Variants in SFR1 observed in about 807,000 individuals in gnomAD.
SFR1 encodes SWI5 dependent homologous recombination repair protein 1.
Under a neutral mutation model 26.2 loss-of-function variants are expected in SFR1, and 24 were observed. The ratio of observed to expected loss-of-function variants is 0.92; its 90% confidence interval spans 0.66 to 1.29. SFR1 has a LOEUF of 1.29. Ranked by LOEUF, SFR1 falls within the 50% of genes most tolerant of loss-of-function variation. The probability of loss-of-function intolerance (pLI) is 0.00; values close to 1 mark genes in which losing one functional copy is unlikely to be tolerated. For synonymous variants in SFR1, 77 were observed against 96.6 expected (o/e 0.80, Z 1.19); for missense variants, 276 against 270.2 (o/e 1.02, Z -0.15).
chr10:104,122,000 C>T (rs2134698752), upstream of SFR1: 2 of 633,540 alleles, frequency 3.2e-6, no homozygotes, highest in East Asian at 6.4e-5. Flanking sequence ...AAGCCCCGCC[C>T]CAACCACCCG....
At chr10:104,124,221 G>T in intron 3 of SFR1, 97 bp downstream of exon 3, 1 of 1,113,326 alleles carries the variant, frequency 9.0e-7, no homozygotes. Context: ...ACCATAATAA[G>T]CAATAAGCCA....
Position 104,125,497 on chromosome 10 carries a change from T to C in SFR1, c.547-16T>C. The C allele has an allele frequency of 6.3e-7, 1 of 1,592,206 alleles. No homozygotes were observed. Among genetic ancestry groups the C allele is most frequent in the East Asian group, 2.2e-5 (1 of 44,800 alleles). ...ATGACTAGTTATTGACATACATGTT[T>C]TTTTTTCTGTTTCAGAATGATCTGT... is the stretch of plus-strand genomic sequence containing the variant. On this transcript the variant is annotated splice_polypyrimidine_tract_variant and intron_variant, in intron 3 of 3. Transcript: ENST00000369727.
upstream of SFR1, among the ~76,000 whole-genome samples, chr10:104,121,473 G>T (rs2086960123): frequency 6.6e-6 from 1 of 152,190 alleles, no homozygotes; most frequent in South Asian, 2.1e-4. Context: ...CCCAACGCTG[G>T]AACCCAACGC....
chr10:104,120,854 G>A (rs1197124836), upstream of SFR1, among the ~76,000 whole-genome samples: 2 of 152,122 alleles, frequency 1.3e-5, no homozygotes, highest in Non-Finnish European at 2.9e-5. Flanking sequence ...ATACCTGACT[G>A]CTTAAGACTC....
upstream of SFR1, chr10:104,122,100 T>C: frequency 6.7e-7 from 1 of 1,501,098 alleles, no homozygotes; most frequent in Non-Finnish European, 9.0e-7. Context: ...ATTGCGCATC[T>C]TTTCCGCCTA....
intron 1 of SFR1, 182 bp from the exon 2 acceptor site, chr10:104,122,783 C>A: frequency 6.6e-7 from 1 of 1,511,200 alleles, no homozygotes; most frequent in Non-Finnish European, 8.8e-7. Context: ...ACTTAGTGGT[C>A]CCTATGTGGG....
At position 104,124,082 on chromosome 10, in the gene SFR1, CCTT is replaced by C. The variant is rs1564697205; in HGVS notation, c.509_511del (p.Leu170del). The C allele has an allele frequency of 5.0e-6, 8 of 1,613,126 alleles. No individual in the cohort carries two copies. The highest frequency in any genetic ancestry group is 1.7e-5 in the Admixed American group (1 of 59,806). ...TGAAGCAGGTTCAGGAGAAAGAAGA[CCTT>C]CTTCGGAGGCTAAAACTAGTCAAAA... On this transcript the variant is annotated inframe_deletion, in exon 3 of 4. Coordinates refer to ENST00000369727, the MANE Select transcript of SFR1 (RefSeq NM_001002759.2).
chr10:104,123,066 A>G lies in SFR1; in HGVS notation c.115A>G (p.Thr39Ala), dbSNP rs370241093. ...QASANPSSPY[T>A]NSSRKQPMSA... is the part of the protein sequence containing the mutation. ...CTCTGCGAATCCATCATCTCCCTAT[A>G]CAAATAGTTCCCGAAAACAAGTATG... The change falls in exon 2 of 4, where the codon ACA becomes GCA. Residue 39 changes from threonine (T) to alanine (A), a missense_variant. Physicochemically the swap from Thr to Ala is moderately conservative, Grantham distance 58. Transcript: ENST00000369727. The G allele has an allele frequency of 3.8e-6, 6 of 1,575,080 alleles. No homozygotes were observed. The African/African-American group carries it at 6.9e-5, about 18-fold the overall frequency.
upstream of SFR1, among the ~76,000 whole-genome samples, chr10:104,120,660 T>C (rs1008149110): frequency 7.2e-5 from 11 of 152,214 alleles, no homozygotes; most frequent in African/African-American, 2.7e-4. Context: ...CTGTTCCAGC[T>C]GCCTCTCACC....
Position 104,123,735 on chromosome 10 carries a change from G to A in SFR1, c.157G>A (p.Glu53Lys). 6.3e-7 allele frequency: 1 copy of A among 1,599,478 alleles called. No homozygotes were observed. The highest frequency in any genetic ancestry group is 8.5e-7 in the Non-Finnish European group (1 of 1,174,988). ...ATAGCCTATGAGTGCAACACTTAGA[G>A]AAAGATTAAGGAAAACAAGATTTTC... is the stretch of plus-strand genomic sequence containing the variant. Reference protein sequence around the residue: ...RKQPMSATLRERLRKTRFSFN... With the variant: ...RKQPMSATLRKRLRKTRFSFN... Residue 53 changes from glutamate (E) to lysine (K), a missense_variant, in exon 3 of 4, where the codon GAA becomes AAA. Coordinates refer to ENST00000369727, the MANE Select transcript of SFR1 (RefSeq NM_001002759.2).
At position 104,124,067 on chromosome 10, in the gene SFR1, T is replaced by C; in HGVS notation, c.489T>C (p.Val163=). The C allele has an allele frequency of 6.2e-7, 1 of 1,613,830 alleles. No homozygotes were observed. The highest frequency in any genetic ancestry group is 8.5e-7 in the Non-Finnish European group (1 of 1,179,920). The change falls in exon 3 of 4, where the codon GTT becomes GTC. Residue 163 remains valine, a synonymous_variant. Transcript: ENST00000369727. The part of the protein sequence containing the change: ...NAEKAKLVKQ[V]QEKEDLLRRL... ...AAAAAGCCAAATTGGTGAAGCAGGTTCAGGAGAAAGAAGACCTTCTTCGGA... is the reference window on the plus strand; with the variant it reads ...AAAAAGCCAAATTGGTGAAGCAGGTCCAGGAGAAAGAAGACCTTCTTCGGA...
upstream of SFR1, among the ~76,000 whole-genome samples, chr10:104,120,212 T>C (rs1457848937): frequency 6.6e-6 from 1 of 152,234 alleles, no homozygotes; most frequent in African/African-American, 2.4e-5. Context: ...TGCACTGTGC[T>C]TCTAGTGTCA....
chr10:104,120,405 T>C (rs1228359353), upstream of SFR1, among the ~76,000 whole-genome samples: 2 of 152,194 alleles, frequency 1.3e-5, no homozygotes, highest in Non-Finnish European at 2.9e-5. Context: ...TTTTAAAAAA[T>C]TTTAGGAGTG....
At chr10:104,122,722 A>T in intron 1 of SFR1, 1 of 1,405,574 alleles carries the variant, frequency 7.1e-7, no homozygotes, top group Non-Finnish European at 9.2e-7. Context: ...AAACGAAAAC[A>T]AGGAGAGTCT....
chr10:104,125,103 TAAA>T (rs902950234), intron 3 of SFR1, among the ~76,000 whole-genome samples: 2 of 152,174 alleles, frequency 1.3e-5, no homozygotes, highest in African/African-American at 4.8e-5. Flanking sequence ...ATCCCCAGCC[TAAA>T]AAAATATTTT....
rs1357898727 is a variant in SFR1, at chr10:104,125,891, G to A, written c.*187G>A. The A allele has an allele frequency of 1.4e-5, 6 of 414,562 alleles. No homozygotes were observed. Among genetic ancestry groups the A allele is most frequent in the African/African-American group, 1.0e-4 (5 of 48,532 alleles). 25.7% of individuals were successfully genotyped at this position (414,562 alleles called of 1,614,324 possible). On this transcript the variant is annotated 3_prime_UTR_variant, in exon 4 of 4. Transcript: ENST00000369727. ...AGCAATTCTCCTGCCTCAGCCTCCC[G>A]AGTAGCTGAGATTACAGGCGCCCGC...
intron 3 of SFR1, among the ~76,000 whole-genome samples, chr10:104,124,537 C>T (rs991416822): frequency 2.7e-4 from 40 of 149,814 alleles, no homozygotes; most frequent in African/African-American, 8.3e-4. Context: ...GTGATTCAGC[C>T]ATTTTATTTG....
chr10:104,124,843 C>G (rs754507929), intron 3 of SFR1, among the ~76,000 whole-genome samples: 28 of 152,280 alleles, frequency 1.8e-4, no homozygotes, highest in Non-Finnish European at 3.5e-4. Context: ...GTTGCCCAGC[C>G]TGGAGGGCAG....
rs757445414 is a variant in SFR1 at position 104,123,973 on chromosome 10, C to G, written c.395C>G (p.Ser132Cys). 2 of 1,613,856 alleles carry G rather than the reference C, an allele frequency of 1.2e-6. No homozygotes were observed. Among genetic ancestry groups the G allele is most frequent in the African/African-American group, 2.7e-5 (2 of 74,912 alleles). Reference sequence around the variant, plus strand: ...GTCTGTGAATCTCAGTCACTTGATTCTGGATCATGCAGTGCTCTCCAAAAT... The same window carrying G: ...GTCTGTGAATCTCAGTCACTTGATTGTGGATCATGCAGTGCTCTCCAAAAT... ...LNVCESQSLD[S>C]GSCSALQNEF... Residue 132 changes from serine (S) to cysteine (C), a missense_variant, in exon 3 of 4, where the codon TCT becomes TGT. By Grantham distance (112) the Ser-to-Cys change is moderately radical (BLOSUM62 -1). Coordinates refer to ENST00000369727, the MANE Select transcript of SFR1 (RefSeq NM_001002759.2).
Sources: allele counts gnomAD v4.1 joint callset (sites outside exome capture counted in the v4.1 genomes callset), GRCh38; gene constraint gnomAD v4.1.1; transcripts MANE v1.5; gene names NCBI Gene and HGNC (gene_info 2026-07-23, HGNC 2026-07-21).